ZNF385D: variants seen among roughly 807,000 people sequenced by gnomAD.
The protein encoded by ZNF385D is zinc finger protein 659.
ZNF385D carries 15 observed loss-of-function variants against 35.8 expected under a neutral mutation model. That is an observed-to-expected ratio of 0.42 (90% CI 0.28 to 0.64). ZNF385D has a LOEUF of 0.64. Ranked by LOEUF, ZNF385D falls within the 30% of genes least tolerant of loss-of-function variation. The pLI is 0.23. For synonymous variants in ZNF385D, 212 were observed against 186.8 expected (o/e 1.13, Z -1.10); for missense variants, 474 against 494.6 (o/e 0.96, Z 0.39).
At chr3:22,168,361 G>C (rs1483068139) in intron 3 of ZNF385D, 1 of 152,068 alleles carries the variant, frequency 6.6e-6, no homozygotes, top group Non-Finnish European at 1.5e-5. Context: ...TCAAAAGTCT[G>C]TACTAACAGA....
intron 3 of ZNF385D, among the ~76,000 whole-genome samples, chr3:22,113,754 G>A (rs113767982): frequency 0.024 from 3,685 of 152,128 alleles, 146 homozygotes; most frequent in African/African-American, 0.08. Context: ...GGGAGGCCAA[G>A]GCGGGTGAAT....
At chr3:21,772,256 T>A (rs1388002495) in intron 3 of ZNF385D, among the ~76,000 whole-genome samples, 1 of 151,838 alleles carries the variant, frequency 6.6e-6, no homozygotes, top group Non-Finnish European at 1.5e-5. Flanking sequence ...TTAAAAATGT[T>A]CTCCAAAAGA....
At chr3:22,284,251 C>T (rs187390766) in intron 2 of ZNF385D, among the ~76,000 whole-genome samples, 22 of 152,110 alleles carry the variant, frequency 1.4e-4, no homozygotes, top group East Asian at 9.7e-4. Context: ...TGCAGTGGCG[C>T]GATCTTGGCT....
rs187956256 is a variant in ZNF385D at position 22,001,361 on chromosome 3, T to C, written c.325+167456A>G. 8.6e-5 allele frequency among the ~76,000 whole-genome samples: 13 copies of C among 151,996 alleles called. No homozygotes were observed. In the South Asian group the frequency reaches 2.3e-3, roughly 27 times the overall value. On this transcript the variant is annotated intron_variant, in intron 3 of 5. Coordinates refer to the ZNF385D transcript ENST00000494108. ...TACTAGTATCAGATAAAACAAACTT[T>C]AAGTCAAAAACAGTAAAAAGAGACA...
intron 3 of ZNF385D, among the ~76,000 whole-genome samples, chr3:21,528,590 T>A (rs2061841584): frequency 6.6e-6 from 1 of 152,174 alleles, no homozygotes; most frequent in Non-Finnish European, 1.5e-5. Flanking sequence ...AATTGCCACA[T>A]GAAAGAGGTG....
intron 2 of ZNF385D, among the ~76,000 whole-genome samples, chr3:22,268,345 CATA>C (rs1701000680): frequency 6.6e-6 from 1 of 151,816 alleles, no homozygotes; most frequent in African/African-American, 2.4e-5. Context: ...TCTTTTCTTC[CATA>C]ATGTTTAATT....
intron 2 of ZNF385D, among the ~76,000 whole-genome samples, chr3:22,222,439 G>T (rs539896760): frequency 1.5e-4 from 23 of 152,260 alleles, no homozygotes; most frequent in African/African-American, 5.5e-4. Flanking sequence ...TGGGGTCAAA[G>T]ATATTCACAT....
intron 3 of ZNF385D, among the ~76,000 whole-genome samples, chr3:22,078,361 A>G (rs1329800046): frequency 6.6e-6 from 1 of 152,060 alleles, no homozygotes; most frequent in African/African-American, 2.4e-5. Flanking sequence ...ATCATAACAG[A>G]TAATGTTGAC....
rs1700743991 is a variant in ZNF385D, at chr3:21,421,629, G to GCC, written c.955-183_955-182insGG. On this transcript the variant is annotated intron_variant, in intron 7 of 7. Coordinates refer to ENST00000281523, the MANE Select transcript of ZNF385D (RefSeq NM_024697.3). ...GAACATTTTCCCTTTGGAAGAGTTG[G>GCC]AAGATACCTGAAAATGGCCAACCGG... Among the ~76,000 whole-genome samples, 3 of 152,152 alleles carry GCC rather than the reference G, an allele frequency of 2.0e-5. No homozygotes were observed. The South Asian group carries it at 6.2e-4, about 31-fold the overall frequency.
rs142783409 is a variant in ZNF385D at position 21,448,363 on chromosome 3, A to T, written c.440-11160T>A. 7.4e-3 allele frequency among the ~76,000 whole-genome samples: 1,125 copies of T among 152,262 alleles called. 8 individuals carry two copies. The highest frequency in any genetic ancestry group is 0.026 in the African/African-American group (1,087 of 41,572). ...AACTATAAGCTGAGTTAAGACTCAA[A>T]CTACCCATCATTTCACTCAAAACAG... On this transcript the variant is annotated intron_variant, in intron 4 of 7. Transcript: ENST00000281523.
chr3:21,575,057 A>G (rs915731375), intron 2 of ZNF385D, among the ~76,000 whole-genome samples: 3 of 152,212 alleles, frequency 2.0e-5, no homozygotes, highest in African/African-American at 7.2e-5. Context: ...TGTAAAATTC[A>G]GAGTGAAACA....
intron 3 of ZNF385D, among the ~76,000 whole-genome samples, chr3:21,858,454 G>A (rs1346451642): frequency 6.6e-6 from 1 of 151,932 alleles, no homozygotes; most frequent in Non-Finnish European, 1.5e-5. Context: ...TTAAAAGGTG[G>A]GGCCTTCAAA....
chr3:21,664,018 T>G (rs2066323752), intron 2 of ZNF385D, among the ~76,000 whole-genome samples: 1 of 149,538 alleles, frequency 6.7e-6, no homozygotes, highest in Admixed American at 6.7e-5. Flanking sequence ...TAATCCTTTC[T>G]GCTTTGGTTG....
intron 3 of ZNF385D, among the ~76,000 whole-genome samples, chr3:22,013,476 C>A (rs914571953): frequency 6.6e-6 from 1 of 151,956 alleles, no homozygotes; most frequent in Non-Finnish European, 1.5e-5. Context: ...ATATTTATTG[C>A]TGATTTAGGG....
chr3:21,652,164 A>G (rs1049548951), intron 2 of ZNF385D, among the ~76,000 whole-genome samples: 9 of 152,232 alleles, frequency 5.9e-5, no homozygotes. Context: ...TAGGTTGCCA[A>G]TCTATCTTCA....
intron 2 of ZNF385D, among the ~76,000 whole-genome samples, chr3:22,289,022 G>C (rs1297441819): frequency 2.0e-5 from 3 of 152,128 alleles, no homozygotes; most frequent in African/African-American, 7.2e-5. Flanking sequence ...AGTGTCTCTA[G>C]ATGCAGCTGG....
intron 3 of ZNF385D, among the ~76,000 whole-genome samples, chr3:21,557,392 G>C (rs1420227807): frequency 6.6e-6 from 1 of 152,038 alleles, no homozygotes; most frequent in Non-Finnish European, 1.5e-5. Flanking sequence ...GAATTTTGTT[G>C]AAGGCTTTTT....
chr3:21,807,216 T>C (rs2072691977), intron 3 of ZNF385D, among the ~76,000 whole-genome samples: 1 of 152,240 alleles, frequency 6.6e-6, no homozygotes, highest in Non-Finnish European at 1.5e-5. Flanking sequence ...CAAATCATTA[T>C]TGAGATATTT....
rs149482760 is a variant in ZNF385D at position 21,581,184 on chromosome 3, C to T, written c.166-16500G>A. Among the ~76,000 whole-genome samples, 862 of 152,272 alleles carry T rather than the reference C, an allele frequency of 5.7e-3. 4 individuals carry two copies. The highest frequency in any genetic ancestry group is 7.7e-3 in the Non-Finnish European group (527 of 68,020). The stretch of plus-strand genomic sequence containing the variant: ...TGCCCCAGACATTTTGCTGCAATAA[C>T]GTAGACCTGCTGGCAATGCCTTACA... On this transcript the variant is annotated intron_variant, in intron 2 of 7. Transcript: ENST00000281523.
Sources: gnomAD v4.1 joint callset for allele counts (sites outside exome capture counted in the v4.1 genomes callset) on GRCh38, gnomAD v4.1.1 for gene constraint, MANE v1.5 for transcripts, NCBI Gene and HGNC (gene_info 2026-07-23, HGNC 2026-07-21) for gene names.